Variants in CADPS observed in about 807,000 individuals in gnomAD.
CADPS encodes the protein calcium dependent secretion activator, also known as calcium-dependent secretion activator 1.
Under a neutral mutation model 167.3 loss-of-function variants are expected in CADPS, and 57 were observed. The observed-to-expected ratio is 0.34, with a 90% CI of 0.28 to 0.42. The LOEUF (loss-of-function observed/expected upper bound fraction) is 0.42. CADPS is among the 20% of genes least tolerant of loss of function. The pLI is 1.00. For missense variants in CADPS, 1,414 were observed against 1,738.1 expected, an observed-to-expected ratio of 0.81 and a Z score of 3.32; for synonymous variants, 676 against 635.3, an observed-to-expected ratio of 1.06 and a Z score of -0.96.
intron 6 of CADPS, among the ~76,000 whole-genome samples, chr3:62,611,973 T>G (rs1198782127): frequency 6.6e-6 from 1 of 152,238 alleles, no homozygotes; most frequent in African/African-American, 2.4e-5. Flanking sequence ...CCAAGCTCTG[T>G]GGAGGACAAG....
At chr3:62,549,765 C>G in intron 11 of CADPS, 138 bp downstream of exon 11, 1 of 684,112 alleles carries the variant, frequency 1.5e-6, no homozygotes. Flanking sequence ...CCAACTTTCC[C>G]CCTGAATTCA....
At chr3:62,774,355 G>A (rs1303687322) in intron 1 of CADPS, among the ~76,000 whole-genome samples, 1 of 151,660 alleles carries the variant, frequency 6.6e-6, no homozygotes, top group Non-Finnish European at 1.5e-5. Context: ...TTTCCAACTT[G>A]GAGGTACTCA....
At chr3:62,510,644 C>T (rs2067603381) in intron 17 of CADPS, among the ~76,000 whole-genome samples, 1 of 152,054 alleles carries the variant, frequency 6.6e-6, no homozygotes, top group Non-Finnish European at 1.5e-5. Context: ...CTGCATAGCC[C>T]TGTAGATTCT....
chr3:62,713,209 G>T (rs139348578), intron 3 of CADPS, among the ~76,000 whole-genome samples: 3 of 152,028 alleles, frequency 2.0e-5, no homozygotes, highest in Non-Finnish European at 4.4e-5. Flanking sequence ...TTTTGGTTTG[G>T]TTTTTTTGTT....
At chr3:62,456,764 A>G (rs953511028) in intron 26 of CADPS, among the ~76,000 whole-genome samples, 4 of 66,782 alleles carry the variant, frequency 6.0e-5, no homozygotes, top group Admixed American at 1.4e-4. Context: ...ATCACTGTCT[A>G]AAAAAAAAAA....
At chr3:62,593,645 C>CT (rs1386445155) in intron 6 of CADPS, among the ~76,000 whole-genome samples, 5 of 152,176 alleles carry the variant, frequency 3.3e-5, no homozygotes, top group Admixed American at 2.0e-4. Context: ...TCACAAGCCT[C>CT]CTGACTCTGC....
chr3:62,625,512 T>C (rs557322604), intron 6 of CADPS: 1 of 150,798 alleles, frequency 6.6e-6, no homozygotes, highest in East Asian at 1.9e-4. Context: ...CCAGTGTTTA[T>C]CCTATCCCTG....
chr3:62,464,863 C>T (rs974758984), intron 26 of CADPS, among the ~76,000 whole-genome samples: 14 of 152,034 alleles, frequency 9.2e-5, no homozygotes, highest in Non-Finnish European at 1.8e-4. Flanking sequence ...GAATGCTATG[C>T]AGGCACCCCC....
At chr3:62,773,502 G>GGATAAC (rs200361153) in intron 1 of CADPS, among the ~76,000 whole-genome samples, 3,455 of 152,208 alleles carry the variant, frequency 0.023, 63 homozygotes, top group South Asian at 0.061. Flanking sequence ...TGTTATCCTA[G>GGATAAC]ACTTCCCTTT....
At chr3:62,850,792 T>G (rs373397241) in intron 1 of CADPS, among the ~76,000 whole-genome samples, 47 of 150,816 alleles carry the variant, frequency 3.1e-4, no homozygotes, top group African/African-American at 1.0e-3. Context: ...TATTAGGTCC[T>G]CTTGGTGCAG....
chr3:62,637,574 T>C lies in CADPS; in HGVS notation c.1325+8148A>G, dbSNP rs562402994. Among the ~76,000 whole-genome samples the C allele has an allele frequency of 3.3e-5, 5 of 152,320 alleles. No homozygotes were observed. The South Asian group carries it at 8.3e-4, about 25-fold the overall frequency. ...GCTGGTGTGTGCGCCAGCACGTTCATCTCCCTTTAAATATAGGCTGGGTTT... is the reference window on the plus strand; with the variant it reads ...GCTGGTGTGTGCGCCAGCACGTTCACCTCCCTTTAAATATAGGCTGGGTTT... On this transcript the variant is annotated intron_variant, in intron 6 of 29. Transcript: ENST00000383710.
chr3:62,566,350 T>C (rs1323210710), intron 9 of CADPS, among the ~76,000 whole-genome samples: 1 of 152,194 alleles, frequency 6.6e-6, no homozygotes, highest in African/African-American at 2.4e-5. Flanking sequence ...AAATCGTTTG[T>C]ACATATGACT....
In CADPS at chr3:62,413,845, T is replaced by C. The variant is rs188047094; in HGVS notation, c.3778-10660A>G. Among the ~76,000 whole-genome samples the C allele has an allele frequency of 9.9e-5, 15 of 152,058 alleles. No individual in the cohort carries two copies. In the South Asian group the frequency reaches 1.9e-3, roughly 19 times the overall value. On this transcript the variant is annotated intron_variant, in intron 28 of 29. Transcript: ENST00000383710. The stretch of plus-strand genomic sequence containing the variant: ...AACTTTGCCTAAGAAAGAACAGATA[T>C]GTAGCAATGTACATATTCTAATCTG...
intron 3 of CADPS, among the ~76,000 whole-genome samples, chr3:62,697,525 G>T (rs1303873712): frequency 6.6e-6 from 1 of 151,982 alleles, no homozygotes; most frequent in African/African-American, 2.4e-5. Flanking sequence ...TTTTGGGCTG[G>T]TTCCATATTT....
intron 3 of CADPS, among the ~76,000 whole-genome samples, chr3:62,693,355 G>T (rs2079573856): frequency 6.6e-6 from 1 of 152,112 alleles, no homozygotes; most frequent in Non-Finnish European, 1.5e-5. Context: ...CACATGACAA[G>T]GACAGGGACA....
intron 28 of CADPS, among the ~76,000 whole-genome samples, chr3:62,424,405 G>C (rs188887499): frequency 2.9e-3 from 440 of 152,114 alleles, no homozygotes; most frequent in Non-Finnish European, 4.8e-3. Flanking sequence ...GGATGGTCTC[G>C]ATCTCCTGAC....
intron 3 of CADPS, among the ~76,000 whole-genome samples, chr3:62,749,008 C>A (rs569247424): frequency 8.3e-4 from 126 of 151,958 alleles, no homozygotes; most frequent in African/African-American, 2.8e-3. Context: ...TTTGAGTTAC[C>A]TTTAGAATTC....
intron 12 of CADPS, 27 bp downstream of exon 12, chr3:62,536,418 T>C: frequency 6.3e-7 from 1 of 1,590,484 alleles, no homozygotes; most frequent in East Asian, 2.2e-5. Flanking sequence ...TATGTTTAAA[T>C]TGCTGTAGAC....
chr3:62,659,869 A>G lies in CADPS; in HGVS notation c.969+2445T>C, dbSNP rs997812503. On this transcript the variant is annotated intron_variant, in intron 4 of 29. Transcript: ENST00000383710. The stretch of plus-strand genomic sequence containing the variant: ...GTCAATTTCTGAAAGAACAGGAGAC[A>G]GTAGAGGGCACTCTATCTCATAGAA... Among the ~76,000 whole-genome samples, 17 of 152,238 alleles carry G rather than the reference A, an allele frequency of 1.1e-4. 1 individual carries two copies. The highest frequency in any genetic ancestry group is 7.3e-5 in the Non-Finnish European group (5 of 68,040).
Sources: allele counts gnomAD v4.1 joint callset (sites outside exome capture counted in the v4.1 genomes callset), GRCh38; gene constraint gnomAD v4.1.1; transcripts MANE v1.5; gene names NCBI Gene and HGNC (gene_info 2026-07-23, HGNC 2026-07-21).